RGS12: variants seen among roughly 807,000 people sequenced by gnomAD.
RGS12 encodes the protein regulator of G-protein signaling 12.
Under a neutral mutation model 120.1 loss-of-function variants are expected in RGS12, and 66 were observed. That is an observed-to-expected ratio of 0.55 (90% CI 0.45 to 0.67). The LOEUF is 0.67. RGS12 is among the 30% of genes least tolerant of loss of function. RGS12 has a pLI of 0.00. For missense variants in RGS12, 1,859 were observed against 1,957.7 expected (o/e 0.95, Z 0.95); for synonymous variants, 827 against 804.7 (o/e 1.03, Z -0.47).
chr4:3,339,875 GC>G (rs1712864256), intron 2 of RGS12, among the ~76,000 whole-genome samples: 2 of 152,262 alleles, frequency 1.3e-5, no homozygotes, highest in African/African-American at 4.8e-5. Flanking sequence ...TCCCTTCATG[GC>G]CCTCCCCAGC....
chr4:3,436,008 C>T (rs1418176010), intron 17 of RGS12, among the ~76,000 whole-genome samples: 1 of 152,212 alleles, frequency 6.6e-6, no homozygotes, highest in Non-Finnish European at 1.5e-5. Context: ...GTGCACCCTG[C>T]TGGGCGCTGT....
chr4:3,291,588 C>T (rs1226346667), upstream of RGS12, among the ~76,000 whole-genome samples: 1 of 152,208 alleles, frequency 6.6e-6, no homozygotes, highest in Non-Finnish European at 1.5e-5. Flanking sequence ...CTCCGGCGAT[C>T]TGTCCGCCTC....
intron 1 of RGS12, among the ~76,000 whole-genome samples, chr4:3,307,457 G>A (rs1312149876): frequency 6.6e-6 from 1 of 152,222 alleles, no homozygotes; most frequent in African/African-American, 2.4e-5. Context: ...TGGCCTTTAT[G>A]TAAAACTTCA....
chr4:3,434,554 G>A (rs1369777050), intron 17 of RGS12, among the ~76,000 whole-genome samples: 1 of 152,170 alleles, frequency 6.6e-6, no homozygotes, highest in African/African-American at 2.4e-5. Flanking sequence ...TTCTCGTGGG[G>A]AGGGAGCAGC....
chr4:3,411,422 G>A (rs1721720985), intron 4 of RGS12, among the ~76,000 whole-genome samples: 1 of 152,058 alleles, frequency 6.6e-6, no homozygotes, highest in South Asian at 2.1e-4. Context: ...TGCGTGTTCG[G>A]GATTGTGGTC....
chr4:3,370,696 A>T (rs1578849869), intron 3 of RGS12, among the ~76,000 whole-genome samples: 1 of 152,254 alleles, frequency 6.6e-6, no homozygotes, highest in Admixed American at 6.5e-5. Flanking sequence ...TTTAGGCTAG[A>T]TAAATACATT....
intron 3 of RGS12, among the ~76,000 whole-genome samples, chr4:3,359,977 C>T (rs1177886482): frequency 6.6e-6 from 1 of 152,074 alleles, no homozygotes; most frequent in Non-Finnish European, 1.5e-5. Flanking sequence ...CCCATGTTGT[C>T]TTGAACTCCT....
intron 14 of RGS12, among the ~76,000 whole-genome samples, chr4:3,427,275 C>T (rs982539499): frequency 3.3e-5 from 5 of 152,232 alleles, no homozygotes; most frequent in African/African-American, 1.2e-4. Context: ...TGTTTGTGTA[C>T]AGGCAAGTCC....
chr4:3,332,701 G>A (rs1273948793), intron 2 of RGS12, among the ~76,000 whole-genome samples: 1 of 152,206 alleles, frequency 6.6e-6, no homozygotes, highest in Non-Finnish European at 1.5e-5. Context: ...AATGATAGAC[G>A]CTGGCTGTTA....
At chr4:3,292,866 G>A (rs2110339161), upstream of RGS12, among the ~76,000 whole-genome samples, 1 of 151,782 alleles carries the variant, frequency 6.6e-6, no homozygotes, top group African/African-American at 2.4e-5. Context: ...CTGTCCCGAC[G>A]CGAAGGCCCT....
At chr4:3,402,664 C>T (rs1487851317) in intron 4 of RGS12, among the ~76,000 whole-genome samples, 1 of 149,948 alleles carries the variant, frequency 6.7e-6, no homozygotes. Context: ...GCGTCCTCTG[C>T]GTTGGGTGGT....
At chr4:3,327,153 C>T (rs2108718932) in intron 2 of RGS12, among the ~76,000 whole-genome samples, 1 of 152,228 alleles carries the variant, frequency 6.6e-6, no homozygotes, top group African/African-American at 2.4e-5. Context: ...TATTTACAGC[C>T]AAGTGATCTT....
chr4:3,362,704 TGAG>T (rs1715777145), intron 3 of RGS12, among the ~76,000 whole-genome samples: 1 of 140,576 alleles, frequency 7.1e-6, no homozygotes, highest in African/African-American at 2.7e-5. Context: ...AGGGTGTGTG[TGAG>T]GCTGTGTGAG....
chr4:3,309,307 T>C (rs13118624), intron 1 of RGS12, among the ~76,000 whole-genome samples: 1 of 120,240 alleles, frequency 8.3e-6, no homozygotes, highest in Non-Finnish European at 1.7e-5. Flanking sequence ...GGCAGGTGTC[T>C]GCTGAGGAGA....
chr4:3,362,613 G>A lies in RGS12; in HGVS notation c.1998+19560G>A, dbSNP rs766210688. On this transcript the variant is annotated intron_variant, in intron 3 of 17. Coordinates refer to ENST00000336727, the MANE Select transcript of RGS12 (RefSeq NM_001394154.1). ...GTGTGTGTGAGGGTGCGAGGATGTC[G>A]TGAGGGGGTGTGTGTGAATGTGAGA... Among the ~76,000 whole-genome samples, 62 of 134,672 alleles carry A rather than the reference G, an allele frequency of 4.6e-4. 1 individual carries two copies. The highest frequency in any genetic ancestry group is 3.5e-3 in the South Asian group (13 of 3,702). The allele number at this position is 134,672 out of a possible 152,430, so 88.4% of individuals were successfully genotyped here. A position where few individuals can be genotyped will look rare whatever the true frequency, so the allele number is the denominator to read the frequency against.
At position 3,317,865 on chromosome 4, in the gene RGS12, C is replaced by T. The variant is rs753628102; in HGVS notation, c.1695C>T (p.Ser565=). ...ACACAGATTCCACCGATGGCTGGTC[C>T]AGCATCAACTGCGGCACACTGCCCC... is the stretch of plus-strand genomic sequence containing the variant. The part of the protein sequence containing the change: ...DSYTDSTDGW[S]SINCGTLPPP... Residue 565 remains serine (S), a synonymous_variant, in exon 2 of 18, where the codon TCC becomes TCT. Coordinates refer to ENST00000336727, the MANE Select transcript of RGS12 (RefSeq NM_001394154.1). The T allele has an allele frequency of 5.6e-6, 9 of 1,613,608 alleles. No homozygotes were observed. The African/African-American group carries it at 8.0e-5, about 14-fold the overall frequency.
At chr4:3,427,301 C>T (rs113628299) in intron 14 of RGS12, among the ~76,000 whole-genome samples, 9 of 152,330 alleles carry the variant, frequency 5.9e-5, no homozygotes, top group African/African-American at 1.9e-4. Flanking sequence ...TGGAGCTTGG[C>T]GCTCAGCGTT....
chr4:3,394,237 A>G (rs906430726), intron 4 of RGS12, among the ~76,000 whole-genome samples: 17 of 151,718 alleles, frequency 1.1e-4, no homozygotes, highest in African/African-American at 3.9e-4. Context: ...ATCTTGACTC[A>G]CTACAACCTC....
chr4:3,325,086 A>G (rs1418121100), intron 2 of RGS12, among the ~76,000 whole-genome samples: 1 of 152,204 alleles, frequency 6.6e-6, no homozygotes, highest in African/African-American at 2.4e-5. Flanking sequence ...AAAATTGAAA[A>G]TGAATGAATT....
Sources: allele counts gnomAD v4.1 joint callset (sites outside exome capture counted in the v4.1 genomes callset), GRCh38; gene constraint gnomAD v4.1.1; transcripts MANE v1.5; gene names NCBI Gene and HGNC (gene_info 2026-07-23, HGNC 2026-07-21).